The following ABLIM1 variants were observed in gnomAD, a reference collection of about 807,000 sequenced individuals.
ABLIM1 encodes the protein actin-binding LIM protein 1.
A neutral mutation model predicts 107.0 loss-of-function variants in ABLIM1; 40 were observed. That is an observed-to-expected ratio of 0.37 (90% CI 0.29 to 0.49). The LOEUF is 0.49. Ranked by LOEUF, ABLIM1 falls within the 20% of genes least tolerant of loss-of-function variation. The pLI is 0.97. For missense variants in ABLIM1, 857 were observed against 1,008.5 expected, an observed-to-expected ratio of 0.85 and a Z score of 2.04; for synonymous variants, 357 against 357.3, an observed-to-expected ratio of 1.00 and a Z score of 0.01.
At chr10:114,575,143 A>C (rs1387371459) in intron 3 of ABLIM1, among the ~76,000 whole-genome samples, 1 of 152,144 alleles carries the variant, frequency 6.6e-6, no homozygotes, top group East Asian at 1.9e-4. Context: ...TGATGTTTTT[A>C]TTGCTCCAAA....
At position 114,431,714 on chromosome 10, in the gene ABLIM1, G is replaced by A. The variant is rs2058876515; in HGVS notation, c.*4546C>T. ...TGACTCATGGGAACTGCACTCTTAG[G>A]AGAAACACTTTTGGGAATAATTTTA... On this transcript the variant is annotated 3_prime_UTR_variant, in exon 23 of 23. Transcript: ENST00000533213. The A allele has an allele frequency of 6.6e-6, 1 of 152,182 alleles. No individual in the cohort carries two copies. Among genetic ancestry groups the A allele is most frequent in the Non-Finnish European group, 1.5e-5 (1 of 68,036 alleles). The allele number at this position is 152,182 out of a possible 1,614,324, so 9.4% of individuals were successfully genotyped here.
intron 1 of ABLIM1, among the ~76,000 whole-genome samples, chr10:114,620,306 T>C (rs571425790): frequency 1.3e-5 from 2 of 152,334 alleles, no homozygotes; most frequent in South Asian, 2.1e-4. Context: ...TAAAAGTGTG[T>C]TTCTTCCTGG....
At chr10:114,545,923 C>T (rs1417073030) in intron 5 of ABLIM1, among the ~76,000 whole-genome samples, 2 of 124,034 alleles carry the variant, frequency 1.6e-5, no homozygotes, top group Admixed American at 8.4e-5. Flanking sequence ...AGCACAAGAC[C>T]CCATCTCAAA....
intron 6 of ABLIM1, among the ~76,000 whole-genome samples, chr10:114,537,140 T>G (rs2066127354): frequency 6.6e-6 from 1 of 152,208 alleles, no homozygotes; most frequent in Non-Finnish European, 1.5e-5. Context: ...ATTTGTTTTC[T>G]GTAATGATTA....
upstream of ABLIM1, among the ~76,000 whole-genome samples, chr10:114,688,592 A>C (rs922814269): frequency 5.3e-5 from 8 of 152,228 alleles, no homozygotes; most frequent in African/African-American, 1.9e-4. Flanking sequence ...TTGATTTCTT[A>C]TAACCCTCTA....
chr10:114,800,151 A>G, the ABLIM1 span, among the ~76,000 whole-genome samples: 1 of 152,190 alleles, frequency 6.6e-6, no homozygotes. Flanking sequence ...GTTTCACTCA[A>G]AATAATATCC....
chr10:114,457,998 G>C (rs979882074), intron 12 of ABLIM1, among the ~76,000 whole-genome samples: 1 of 152,100 alleles, frequency 6.6e-6, no homozygotes, highest in Non-Finnish European at 1.5e-5. Flanking sequence ...GCTTGAACCC[G>C]GGAGGTGGAG....
At chr10:114,443,509 C>T (rs1002933281) in intron 17 of ABLIM1, among the ~76,000 whole-genome samples, 2 of 151,758 alleles carry the variant, frequency 1.3e-5, no homozygotes, top group African/African-American at 4.8e-5. Context: ...GATGGGGTTT[C>T]GCCACGTTGA....
intron 4 of ABLIM1, among the ~76,000 whole-genome samples, chr10:114,555,590 G>A (rs532721014): frequency 6.6e-6 from 1 of 152,208 alleles, no homozygotes; most frequent in African/African-American, 2.4e-5. Context: ...ACTACGTAGA[G>A]AACTATTGTG....
intron 1 of ABLIM1, chr10:114,631,926 G>A (rs1368966356): frequency 1.5e-6 from 2 of 1,304,470 alleles, no homozygotes; most frequent in South Asian, 2.5e-5. Flanking sequence ...ATGGCAACCG[G>A]GTCCTCCGAC....
At chr10:114,528,448 G>A (rs891480976) in intron 6 of ABLIM1, among the ~76,000 whole-genome samples, 7 of 152,200 alleles carry the variant, frequency 4.6e-5, no homozygotes, top group African/African-American at 1.2e-4. Flanking sequence ...CAACAAAGCC[G>A]TGCTTCTAAA....
At chr10:114,497,497 G>A (rs2059832077) in intron 6 of ABLIM1, among the ~76,000 whole-genome samples, 1 of 151,952 alleles carries the variant, frequency 6.6e-6, no homozygotes, top group Non-Finnish European at 1.5e-5. Flanking sequence ...GGTCAACACG[G>A]TGAAACCCCG....
chr10:114,465,624 T>C, intron 12 of ABLIM1, 74 bp downstream of exon 12: 1 of 1,553,262 alleles, frequency 6.4e-7, no homozygotes, highest in Non-Finnish European at 8.8e-7. Flanking sequence ...TTCAATGTGC[T>C]ATCAATAGTA....
chr10:114,490,331 G>A (rs1203920786), intron 7 of ABLIM1, among the ~76,000 whole-genome samples: 1 of 152,202 alleles, frequency 6.6e-6, no homozygotes, highest in Non-Finnish European at 1.5e-5. Flanking sequence ...AAAGAAGTTT[G>A]GGTTGTCAAT....
chr10:114,437,981 A>G, intron 21 of ABLIM1, 57 bp from the exon 22 acceptor site: 2 of 1,508,452 alleles, frequency 1.3e-6, no homozygotes, highest in South Asian at 1.1e-5. Context: ...ATTAACAAGC[A>G]GAATCCACCT....
intron 6 of ABLIM1, among the ~76,000 whole-genome samples, chr10:114,531,333 T>C (rs750483314): frequency 7.2e-5 from 11 of 152,340 alleles, no homozygotes; most frequent in East Asian, 3.9e-4. Flanking sequence ...TTGAAGCCTG[T>C]ACAAGGTAAG....
chr10:114,611,927 TTCTC>T (rs1022069781), intron 1 of ABLIM1, among the ~76,000 whole-genome samples: 6 of 152,168 alleles, frequency 3.9e-5, no homozygotes, highest in South Asian at 2.1e-4. Flanking sequence ...CTCCCACCTC[TTCTC>T]TCTAATTGTA....
chr10:114,441,074 C>T lies in ABLIM1; in HGVS notation c.2002G>A (p.Val668Ile), dbSNP rs571324808. Reference protein sequence around the residue: ...GYGRNGLHRPVSTDFAQYNSY... With the variant: ...GYGRNGLHRPISTDFAQYNSY... ...TTATACTGAGCGAAGTCGGTAGAAA[C>T]AGGCTGAAATGAGGAAAAACAATTA... The change falls in exon 19 of 23, where the codon GTT becomes ATT. Residue 668 changes from valine to isoleucine, a missense_variant. Transcript: ENST00000533213. 1 of 1,580,896 alleles carries T rather than the reference C, an allele frequency of 6.3e-7. No individual in the cohort carries two copies. Among genetic ancestry groups the T allele is most frequent in the African/African-American group, 1.3e-5 (1 of 74,622 alleles).
At chr10:114,609,294 C>T (rs774003850) in intron 1 of ABLIM1, among the ~76,000 whole-genome samples, 2 of 152,180 alleles carry the variant, frequency 1.3e-5, no homozygotes, top group Non-Finnish European at 2.9e-5. Context: ...TCTTCATTCT[C>T]GCCAGTGCCT....
Sources: allele counts gnomAD v4.1 joint callset (sites outside exome capture counted in the v4.1 genomes callset), GRCh38; gene constraint gnomAD v4.1.1; transcripts MANE v1.5; gene names NCBI Gene and HGNC (gene_info 2026-07-23, HGNC 2026-07-21).